Variants in FAM193A observed in about 807,000 individuals in gnomAD.
FAM193A encodes protein FAM193A.
A neutral mutation model predicts 126.5 loss-of-function variants in FAM193A; 22 were observed. The ratio of observed to expected loss-of-function variants is 0.17; its 90% CI spans 0.12 to 0.25. FAM193A has a LOEUF of 0.25. Among genes scored for constraint, FAM193A ranks in the 10% least tolerant of loss-of-function variants. The pLI is 1.00. For synonymous variants in FAM193A, 761 were observed against 646.8 expected, an observed-to-expected ratio of 1.18 and a Z score of -2.68; for missense variants, 1,675 against 1,672.8, an observed-to-expected ratio of 1.00 and a Z score of -0.02.
intron 1 of FAM193A, among the ~76,000 whole-genome samples, chr4:2,582,991 G>A (rs1023519982): frequency 6.6e-6 from 1 of 152,008 alleles, no homozygotes; most frequent in Admixed American, 6.6e-5. Flanking sequence ...TTTTTGAGAC[G>A]GAGTTTTGCT....
chr4:2,684,977 T>C (rs952907265), intron 13 of FAM193A, among the ~76,000 whole-genome samples: 1 of 152,180 alleles, frequency 6.6e-6, no homozygotes, highest in Non-Finnish European at 1.5e-5. Flanking sequence ...AGTAGGAAGT[T>C]AACGACTACA....
At chr4:2,662,786 A>C in intron 10 of FAM193A, 52 bp from the exon 11 acceptor site, 1 of 1,479,340 alleles carries the variant, frequency 6.8e-7, no homozygotes. Context: ...TGGTTTACTC[A>C]TTGTCTTTCA....
intron 13 of FAM193A, among the ~76,000 whole-genome samples, chr4:2,678,790 C>G (rs1449823297): frequency 1.3e-5 from 2 of 152,182 alleles, no homozygotes; most frequent in Non-Finnish European, 1.5e-5. Flanking sequence ...TCCTACTTTG[C>G]TGAATTCATC....
chr4:2,559,327 C>G (rs1560442261), intron 1 of FAM193A, among the ~76,000 whole-genome samples: 1 of 152,214 alleles, frequency 6.6e-6, no homozygotes, highest in African/African-American at 2.4e-5. Flanking sequence ...AAAAATTCCT[C>G]TAATTGTTGT....
intron 20 of FAM193A, among the ~76,000 whole-genome samples, chr4:2,718,501 C>A (rs776408074): frequency 6.6e-6 from 1 of 151,772 alleles, no homozygotes; most frequent in Non-Finnish European, 1.5e-5. Flanking sequence ...CCAAGACAGG[C>A]GGATCACTTG....
In FAM193A at chr4:2,660,011, C is replaced by T. The variant is rs371056145; in HGVS notation, c.1702C>T (p.His568Tyr). ...CAGCTCTCCCATCACAATTCAGCAGCACCCCAGGCTCATCCTCACAGACAG... is the reference window on the plus strand; with the variant it reads ...CAGCTCTCCCATCACAATTCAGCAGTACCCCAGGCTCATCCTCACAGACAG... ...GSSSPITIQQ[H>Y]PRLILTDSGS... The change falls in exon 10 of 21, where the codon CAC (histidine) becomes TAC (tyrosine). Residue 568 changes from histidine to tyrosine, a missense_variant. By Grantham distance (83) the His-to-Tyr change is moderately conservative. This residue lies in a region of FAM193A where 1,186 missense variants were observed against 1,109.2 expected (regional missense o/e 1.07). Transcript: ENST00000637812. 3.1e-6 allele frequency: 5 copies of T among 1,614,030 alleles called. No homozygotes were observed. The highest frequency in any genetic ancestry group is 1.7e-5 in the Admixed American group (1 of 60,000).
intron 1 of FAM193A, among the ~76,000 whole-genome samples, chr4:2,589,848 A>C (rs369039746): frequency 6.6e-6 from 1 of 152,176 alleles, no homozygotes; most frequent in South Asian, 2.1e-4. Context: ...ATAAAAGATC[A>C]TGTATAGGCT....
chr4:2,621,075 G>C (rs1025456814), intron 2 of FAM193A, among the ~76,000 whole-genome samples: 2 of 152,056 alleles, frequency 1.3e-5, no homozygotes, highest in African/African-American at 4.8e-5. Flanking sequence ...CTGGGACTGA[G>C]TGCTGGAGAG....
intron 20 of FAM193A, among the ~76,000 whole-genome samples, chr4:2,721,800 C>T (rs771679535): frequency 1.3e-5 from 2 of 152,200 alleles, no homozygotes; most frequent in African/African-American, 4.8e-5. Context: ...CTTGTGTGCA[C>T]GACTAGAGGT....
chr4:2,723,477 A>C (rs1720385187), intron 20 of FAM193A, among the ~76,000 whole-genome samples: 1 of 148,608 alleles, frequency 6.7e-6, no homozygotes, highest in African/African-American at 2.5e-5. Context: ...CGGGAGGCTG[A>C]GGCAGAGATT....
chr4:2,709,044 TA>T (rs1156966896), intron 19 of FAM193A, among the ~76,000 whole-genome samples: 1 of 152,082 alleles, frequency 6.6e-6, no homozygotes, highest in Non-Finnish European at 1.5e-5. Flanking sequence ...TTAGCCACAT[TA>T]AAAAAATTTA....
chr4:2,715,135 A>C (rs961548876), intron 19 of FAM193A, among the ~76,000 whole-genome samples: 15 of 152,218 alleles, frequency 9.9e-5, no homozygotes, highest in Non-Finnish European at 1.9e-4. Flanking sequence ...TAATTGCAGC[A>C]TGAAATGTAG....
chr4:2,570,169 G>A (rs1739207419), intron 1 of FAM193A, among the ~76,000 whole-genome samples: 1 of 152,068 alleles, frequency 6.6e-6, no homozygotes, highest in Non-Finnish European at 1.5e-5. Flanking sequence ...ATTCTGGACA[G>A]TAGTGAATGT....
At chr4:2,645,655 T>G (rs1473418433) in intron 6 of FAM193A, among the ~76,000 whole-genome samples, 2 of 152,136 alleles carry the variant, frequency 1.3e-5, no homozygotes, top group Non-Finnish European at 2.9e-5. Context: ...GCCTCCTGAG[T>G]AGCTGGGATT....
chr4:2,724,590 T>C (rs1029125595), intron 20 of FAM193A, among the ~76,000 whole-genome samples: 4 of 152,184 alleles, frequency 2.6e-5, no homozygotes, highest in Non-Finnish European at 4.4e-5. Context: ...CGTTCACACC[T>C]TGTAATCCCA....
In FAM193A at chr4:2,689,543, A is replaced by T. The variant is rs1378486528; in HGVS notation, c.2369A>T (p.Lys790Met). 3.9e-6 allele frequency: 6 copies of T among 1,548,490 alleles called. No homozygotes were observed. Among genetic ancestry groups the T allele is most frequent in the Admixed American group, 2.4e-5 (1 of 41,388 alleles). Residue 790 changes from lysine to methionine, a missense_variant, in exon 14 of 21, where the codon AAG (lysine) becomes ATG (methionine). Lys to Met is a moderately conservative substitution (Grantham distance 95, BLOSUM62 -1). This residue lies in a region of FAM193A where 1,186 missense variants were observed against 1,109.2 expected (regional missense o/e 1.07). Transcript: ENST00000637812. ...GCACCTGTTCAGAATCACACAAATA[A>T]GCATCAGGTATTCAATGCATCTCTT... ...PPAPVQNHTN[K>M]HQVFNASLQD...
chr4:2,729,812 A>T (rs1041882369), intron 20 of FAM193A, among the ~76,000 whole-genome samples: 6 of 152,116 alleles, frequency 3.9e-5, no homozygotes, highest in Non-Finnish European at 8.8e-5. Flanking sequence ...AGGTTTTACC[A>T]TGTTGCCCAG....
intron 1 of FAM193A, among the ~76,000 whole-genome samples, chr4:2,543,323 G>A (rs1421123863): frequency 2.0e-5 from 3 of 151,964 alleles, no homozygotes; most frequent in Admixed American, 1.3e-4. Context: ...TCCTGACCTC[G>A]TGATGTACCC....
At chr4:2,722,286 C>T (rs563541722) in intron 20 of FAM193A, among the ~76,000 whole-genome samples, 52 of 152,240 alleles carry the variant, frequency 3.4e-4, no homozygotes, top group Non-Finnish European at 7.4e-5. Flanking sequence ...CACTGTGTCT[C>T]GGGTGCAGGT....
Sources: allele counts gnomAD v4.1 joint callset (sites outside exome capture counted in the v4.1 genomes callset), GRCh38; gene constraint gnomAD v4.1.1; regional missense constraint gnomAD v4.1.1; transcripts MANE v1.5; gene names NCBI Gene and HGNC (gene_info 2026-07-23, HGNC 2026-07-21).